EML1: variants seen among roughly 807,000 people sequenced by gnomAD.
The protein encoded by EML1 is EMAP like 1.
Under a neutral mutation model 110.4 loss-of-function variants are expected in EML1, and 27 were observed. The observed-to-expected ratio is 0.24, with a 90% CI of 0.18 to 0.34. EML1 has a LOEUF of 0.34. Ranked by LOEUF, EML1 falls within the 10% of genes least tolerant of loss-of-function variation. The pLI is 1.00. For synonymous variants in EML1, 344 were observed against 385.8 expected, an observed-to-expected ratio of 0.89 and a Z score of 1.27; for missense variants, 741 against 1,030.9, an observed-to-expected ratio of 0.72 and a Z score of 3.85.
At chr14:99,882,620 T>G (rs1341382649) in intron 4 of EML1, among the ~76,000 whole-genome samples, 1 of 90,698 alleles carries the variant, frequency 1.1e-5, no homozygotes, top group Admixed American at 1.0e-4. Flanking sequence ...ACACACAAAA[T>G]ACACGAACAA....
intron 1 of EML1, among the ~76,000 whole-genome samples, chr14:99,820,614 A>G (rs1595338844): frequency 2.0e-5 from 3 of 152,284 alleles, no homozygotes; most frequent in South Asian, 4.1e-4. Flanking sequence ...CATTATCCCA[A>G]TGTACTTTTT....
upstream of EML1, among the ~76,000 whole-genome samples, chr14:99,793,063 G>A (rs2057696531): frequency 6.6e-6 from 1 of 151,424 alleles, no homozygotes; most frequent in African/African-American, 2.4e-5. Flanking sequence ...CCCCGCAAGG[G>A]CCGCCCGCCG....
At chr14:99,815,746 G>T (rs572057400) in intron 1 of EML1, among the ~76,000 whole-genome samples, 22 of 152,178 alleles carry the variant, frequency 1.4e-4, no homozygotes, top group Non-Finnish European at 2.9e-4. Context: ...GGGTTTTTGT[G>T]AGCTAAGGGG....
At chr14:99,748,206 G>T (rs1340373519) in intron 1 of EML1, among the ~76,000 whole-genome samples, 2 of 151,998 alleles carry the variant, frequency 1.3e-5, no homozygotes, top group Non-Finnish European at 2.9e-5. Flanking sequence ...GAAAGCCCCT[G>T]CCCGCAGCCC....
At chr14:99,766,743 G>A (rs1186639830) in intron 1 of EML1, among the ~76,000 whole-genome samples, 4 of 152,156 alleles carry the variant, frequency 2.6e-5, no homozygotes, top group Non-Finnish European at 5.9e-5. Context: ...CACTTGGCAA[G>A]GATAAATGTT....
intron 4 of EML1, among the ~76,000 whole-genome samples, chr14:99,882,580 T>G (rs1234867017): frequency 6.6e-6 from 1 of 151,060 alleles, no homozygotes; most frequent in East Asian, 1.9e-4. Flanking sequence ...GACTTTTGGC[T>G]TCCCCAGATT....
intron 17 of EML1, 81 bp from the exon 18 acceptor site, chr14:99,935,948 G>C (rs148956789): frequency 0.018 from 24,087 of 1,310,336 alleles, 280 homozygotes; most frequent in Non-Finnish European, 0.022. Flanking sequence ...CTAAATCTGT[G>C]GTGGCAGCTA....
At chr14:99,816,321 G>A (rs1232496312) in intron 1 of EML1, among the ~76,000 whole-genome samples, 1 of 152,170 alleles carries the variant, frequency 6.6e-6, no homozygotes. Context: ...CCACTACCAT[G>A]TCCGACTAAT....
At chr14:99,908,413 T>C (rs2059892303) in intron 10 of EML1, among the ~76,000 whole-genome samples, 1 of 152,238 alleles carries the variant, frequency 6.6e-6, no homozygotes, top group South Asian at 2.1e-4. Flanking sequence ...CTATTAACCT[T>C]AGATAACCTT....
chr14:99,926,111 A>C (rs1002514681), intron 17 of EML1, among the ~76,000 whole-genome samples: 3 of 152,184 alleles, frequency 2.0e-5, no homozygotes, highest in Non-Finnish European at 4.4e-5. Flanking sequence ...AAGATTTTCA[A>C]ATAAACAACA....
At chr14:99,795,229 C>T (rs1278623424) in intron 1 of EML1, among the ~76,000 whole-genome samples, 3 of 152,180 alleles carry the variant, frequency 2.0e-5, no homozygotes, top group South Asian at 2.1e-4. Flanking sequence ...TTGACCTACA[C>T]GTCTGTTCAT....
intron 3 of EML1, among the ~76,000 whole-genome samples, chr14:99,869,086 TAAA>T (rs1332472096): frequency 6.6e-6 from 1 of 152,252 alleles, no homozygotes; most frequent in Non-Finnish European, 1.5e-5. Flanking sequence ...TTGTTTAATT[TAAA>T]GATTGACTTT....
intron 17 of EML1, among the ~76,000 whole-genome samples, chr14:99,924,184 T>C (rs1299782841): frequency 1.3e-5 from 2 of 152,160 alleles, no homozygotes; most frequent in Non-Finnish European, 2.9e-5. Context: ...ATAAGTGTTT[T>C]TTTTATGCCA....
chr14:99,762,692 G>A (rs577478443), intron 1 of EML1, among the ~76,000 whole-genome samples: 12 of 152,272 alleles, frequency 7.9e-5, no homozygotes, highest in East Asian at 1.9e-4. Flanking sequence ...CCAACTACAC[G>A]AGAGGCTGAG....
intron 1 of EML1, chr14:99,809,766 G>T (rs1239259477): frequency 2.2e-6 from 1 of 454,944 alleles, no homozygotes; most frequent in Non-Finnish European, 4.4e-6. Flanking sequence ...GAAACATGTG[G>T]CTTTTAATCG....
At chr14:99,772,190 T>G (rs1374061404), upstream of EML1, among the ~76,000 whole-genome samples, 1 of 152,250 alleles carries the variant, frequency 6.6e-6, no homozygotes, top group African/African-American at 2.4e-5. Context: ...AATTAACTTG[T>G]TAGACTCACA....
At chr14:99,833,784 A>C (rs1350445441) in intron 1 of EML1, among the ~76,000 whole-genome samples, 1 of 152,162 alleles carries the variant, frequency 6.6e-6, no homozygotes, top group Non-Finnish European at 1.5e-5. Context: ...AAATAGTCCC[A>C]ATTGTTTGGT....
At chr14:99,848,626 A>G (rs891738560) in intron 1 of EML1, among the ~76,000 whole-genome samples, 13 of 152,312 alleles carry the variant, frequency 8.5e-5, no homozygotes, top group Admixed American at 2.6e-4. Context: ...ATAAAAATAC[A>G]TTATAAATCC....
intron 4 of EML1, among the ~76,000 whole-genome samples, chr14:99,882,411 G>A (rs2059400253): frequency 6.6e-6 from 1 of 152,206 alleles, no homozygotes; most frequent in Admixed American, 6.5e-5. Context: ...TTAAGGGAAT[G>A]AGCTATGTCA....
Sources: allele counts gnomAD v4.1 joint callset (sites outside exome capture counted in the v4.1 genomes callset), GRCh38; gene constraint gnomAD v4.1.1; transcripts MANE v1.5; gene names NCBI Gene and HGNC (gene_info 2026-07-23, HGNC 2026-07-21).